GRIN2A: variants seen among roughly 807,000 people sequenced by gnomAD.
The protein encoded by GRIN2A is glutamate ionotropic receptor NMDA type subunit 2A.
Under a neutral mutation model 113.4 loss-of-function variants are expected in GRIN2A, and 22 were observed. The observed-to-expected ratio is 0.19, with a 90% CI of 0.14 to 0.28. GRIN2A has a LOEUF of 0.28. Ranked by LOEUF, GRIN2A falls within the 10% of genes least tolerant of loss-of-function variation. The pLI, the probability that GRIN2A is intolerant of heterozygous loss-of-function variation, is 1.00. For synonymous variants in GRIN2A, 827 were observed against 738.4 expected (o/e 1.12, Z -1.94); for missense variants, 1,502 against 1,887.0 (o/e 0.80, Z 3.78).
intron 2 of GRIN2A, among the ~76,000 whole-genome samples, chr16:10,175,465 A>G (rs2050123663): frequency 6.6e-6 from 1 of 152,208 alleles, no homozygotes; most frequent in Non-Finnish European, 1.5e-5. Flanking sequence ...GAAATACACC[A>G]AAGTGTCAGT....
At chr16:10,048,127 T>G (rs536699502) in intron 2 of GRIN2A, among the ~76,000 whole-genome samples, 1 of 152,328 alleles carries the variant, frequency 6.6e-6, no homozygotes, top group Admixed American at 6.5e-5. Context: ...TTTTCAAACA[T>G]GTATTAATTT....
chr16:9,825,947 C>T lies in GRIN2A; in HGVS notation c.2007+3476G>A, dbSNP rs554428555. Among the ~76,000 whole-genome samples, 11 of 142,392 alleles carry T rather than the reference C, an allele frequency of 7.7e-5. No individual in the cohort carries two copies. In the South Asian group the frequency reaches 8.7e-4, roughly 11 times the overall value. The allele number at this position is 142,392 out of a possible 152,430, so 93.4% of individuals were successfully genotyped here. On this transcript the variant is annotated intron_variant, in intron 9 of 12. Transcript: ENST00000330684. ...GAAGCCAAGAATGGTTTGAGTCAGG[C>T]GATGATGAAGATGATGGAAGGAGTA...
At chr16:9,883,217 T>C (rs981351923) in intron 4 of GRIN2A, among the ~76,000 whole-genome samples, 3 of 152,192 alleles carry the variant, frequency 2.0e-5, no homozygotes, top group Non-Finnish European at 2.9e-5. Flanking sequence ...ATTGTCATCA[T>C]AGTTATTGGT....
chr16:9,763,690 C>T lies in GRIN2A; in HGVS notation c.3854G>A (p.Arg1285Lys), dbSNP rs367543132. The change falls in exon 13 of 13, where the codon AGG becomes AAG. Residue 1285 changes from arginine to lysine, a missense_variant. Transcript: ENST00000330684. ...NALQLQKNKL[R>K]ISRQHSYDNI... is the part of the protein sequence containing the mutation. ...ATCGTAGGAATGCTGACGGCTAATC[C>T]TTAGCTTGTTCTTTTGTAATTGAAG... 35 of 1,613,858 alleles carry T rather than the reference C, an allele frequency of 2.2e-5. No homozygotes were observed. Among genetic ancestry groups the T allele is most frequent in the Middle Eastern group, 3.3e-4 (2 of 6,084 alleles).
intron 2 of GRIN2A, among the ~76,000 whole-genome samples, chr16:10,113,303 C>A (rs1263607130): frequency 1.3e-5 from 2 of 152,216 alleles, no homozygotes; most frequent in Admixed American, 6.5e-5. Context: ...GCCGCTGCCC[C>A]CTCAGCCATG....
In GRIN2A at chr16:9,764,101, G is replaced by T. The variant is rs140536516; in HGVS notation, c.3443C>A (p.Pro1148Gln). 2 of 1,613,638 alleles carry T rather than the reference G, an allele frequency of 1.2e-6. No homozygotes were observed. The highest frequency in any genetic ancestry group is 1.3e-5 in the African/African-American group (1 of 74,872). The change falls in exon 13 of 13, where the codon CCG (proline) becomes CAG (glutamine). Residue 1148 changes from proline to glutamine, a missense_variant. This residue lies in a region of GRIN2A where 832 missense variants were observed against 789.7 expected (regional missense o/e 1.05). Transcript: ENST00000330684. ...TTCACTGGGATCCTGGTAGGGGTCC[G>T]GGAAGTCCACGTTCTCGGGCAGGGT... ...NVTLPENVDF[P>Q]DPYQDPSENF...
At chr16:10,143,310 G>T (rs2142263061) in intron 2 of GRIN2A, among the ~76,000 whole-genome samples, 1 of 152,216 alleles carries the variant, frequency 6.6e-6, no homozygotes, top group South Asian at 2.1e-4. Context: ...TACTGATGGT[G>T]TACAAGATCA....
chr16:10,027,519 T>C (rs2046846901), intron 2 of GRIN2A: 2 of 152,292 alleles, frequency 1.3e-5, no homozygotes, highest in Non-Finnish European at 2.9e-5. Context: ...TGATTCCATC[T>C]AGCCATATGC....
intron 2 of GRIN2A, among the ~76,000 whole-genome samples, chr16:10,101,327 C>T (rs2048389844): frequency 6.6e-6 from 1 of 152,192 alleles, no homozygotes; most frequent in Admixed American, 6.5e-5. Context: ...CCTGGAAGAT[C>T]CAACTGGCTC....
intron 3 of GRIN2A, among the ~76,000 whole-genome samples, chr16:9,894,203 G>A (rs2043757597): frequency 1.3e-5 from 2 of 152,174 alleles, no homozygotes; most frequent in South Asian, 4.1e-4. Flanking sequence ...GCTTAGTAAG[G>A]CAGATGGTTA....
intron 4 of GRIN2A, 61 bp from the exon 5 acceptor site, chr16:9,850,022 A>G (rs1210991808): frequency 5.0e-5 from 70 of 1,410,432 alleles, no homozygotes; most frequent in Non-Finnish European, 7.0e-5. Flanking sequence ...CTGGAGAGGC[A>G]AATCCTTTCC....
At chr16:10,020,474 G>C (rs747918267) in intron 2 of GRIN2A, among the ~76,000 whole-genome samples, 2 of 152,198 alleles carry the variant, frequency 1.3e-5, no homozygotes, top group Non-Finnish European at 2.9e-5. Context: ...ATAAAAGGGA[G>C]TTCTGCACGT....
chr16:9,866,456 G>C (rs1482918152), intron 4 of GRIN2A, among the ~76,000 whole-genome samples: 1 of 152,082 alleles, frequency 6.6e-6, no homozygotes, highest in Non-Finnish European at 1.5e-5. Context: ...AAGGAGAAGA[G>C]AGGGAAAGAG....
At chr16:10,049,414 G>C (rs2047316947) in intron 2 of GRIN2A, among the ~76,000 whole-genome samples, 2 of 150,822 alleles carry the variant, frequency 1.3e-5, no homozygotes, top group South Asian at 2.1e-4. Context: ...GTCTTGCTCT[G>C]TTGACCAGGT....
At chr16:9,854,917 A>C (rs2042942375) in intron 4 of GRIN2A, among the ~76,000 whole-genome samples, 1 of 152,120 alleles carries the variant, frequency 6.6e-6, no homozygotes, top group Non-Finnish European at 1.5e-5. Flanking sequence ...TGGAGCTTGG[A>C]GGGAAAATGA....
At chr16:10,019,251 A>G (rs1430633303) in intron 2 of GRIN2A, among the ~76,000 whole-genome samples, 1 of 152,208 alleles carries the variant, frequency 6.6e-6, no homozygotes, top group Admixed American at 6.5e-5. Context: ...TAAACATTTG[A>G]CACAGTGTCT....
At chr16:10,054,395 C>T (rs112384475) in intron 2 of GRIN2A, among the ~76,000 whole-genome samples, 1,543 of 152,266 alleles carry the variant, frequency 0.01, 11 homozygotes, top group Middle Eastern at 0.017. Context: ...AGGACTAATA[C>T]AAAGATTTAA....
chr16:9,825,121 C>G (rs779263698), intron 9 of GRIN2A, among the ~76,000 whole-genome samples: 4 of 152,164 alleles, frequency 2.6e-5, no homozygotes, highest in Admixed American at 6.5e-5. Flanking sequence ...TGCAGGGTTC[C>G]CTTGCTGTGT....
At chr16:9,934,795 A>G (rs1226962747) in intron 3 of GRIN2A, among the ~76,000 whole-genome samples, 11 of 148,294 alleles carry the variant, frequency 7.4e-5, no homozygotes, top group Non-Finnish European at 1.5e-5. Context: ...GCAGGTTTCC[A>G]CTATTCCCTG....
Sources: gnomAD v4.1 joint callset for allele counts (sites outside exome capture counted in the v4.1 genomes callset) on GRCh38, gnomAD v4.1.1 for gene constraint, gnomAD v4.1.1 regional missense constraint, MANE v1.5 for transcripts, NCBI Gene and HGNC (gene_info 2026-07-23, HGNC 2026-07-21) for gene names.